Variants in MAP7 observed in about 807,000 individuals in gnomAD.
MAP7 encodes microtubule associated protein 7, also known as ensconsin.
MAP7 carries 52 observed loss-of-function variants against 94.8 expected under a neutral mutation model. That is an observed-to-expected ratio of 0.55 (90% CI 0.44 to 0.69). The LOEUF is 0.69. MAP7 is among the 30% of genes least tolerant of loss of function. MAP7 has a pLI of 0.00. For missense variants in MAP7, 940 were observed against 964.6 expected (o/e 0.97, Z 0.34); for synonymous variants, 350 against 357.0 (o/e 0.98, Z 0.22).
chr6:136,487,567 G>T (rs994224077), intron 1 of MAP7, among the ~76,000 whole-genome samples: 1 of 152,090 alleles, frequency 6.6e-6, no homozygotes, highest in African/African-American at 2.4e-5. Context: ...AAATTAGCCA[G>T]GCATGGTGGT....
intron 1 of MAP7, among the ~76,000 whole-genome samples, chr6:136,500,310 C>A (rs1200542545): frequency 1.3e-5 from 2 of 152,326 alleles, no homozygotes; most frequent in Middle Eastern, 3.4e-3. Flanking sequence ...CATCCCAGGC[C>A]AGGAAAACTG....
intron 1 of MAP7, among the ~76,000 whole-genome samples, chr6:136,541,958 C>G (rs1188804619): frequency 6.6e-6 from 1 of 152,138 alleles, no homozygotes; most frequent in Non-Finnish European, 1.5e-5. Flanking sequence ...ACTCGGGAGG[C>G]TGAGGCACAA....
rs970020336 is a variant in MAP7 at position 136,480,692 on chromosome 6, T to C, written c.68-58893A>G. On this transcript the variant is annotated intron_variant, in intron 1 of 17. Transcript: ENST00000354570. ...AAAGAAAAGAAAACGTTGGGGAAAC[T>C]CCCCAGAATATTGGTCTGGGCAAAG... is the stretch of plus-strand genomic sequence containing the variant. Among the ~76,000 whole-genome samples the C allele has an allele frequency of 4.9e-5, 6 of 121,324 alleles. 1 individual carries two copies. The highest frequency in any genetic ancestry group is 1.8e-4 in the African/African-American group (6 of 32,708). 79.6% of individuals were successfully genotyped at this position (121,324 alleles called of 152,430 possible). A position where few individuals can be genotyped will look rare whatever the true frequency, so the allele number is the denominator to read the frequency against.
intron 3 of MAP7, among the ~76,000 whole-genome samples, chr6:136,406,255 C>G (rs1040740652): frequency 7.2e-5 from 11 of 152,166 alleles, no homozygotes; most frequent in African/African-American, 2.7e-4. Flanking sequence ...TTTCTCAAAG[C>G]AGATCTCAGA....
intron 5 of MAP7, among the ~76,000 whole-genome samples, chr6:136,387,919 A>G (rs983182156): frequency 1.3e-5 from 2 of 152,202 alleles, no homozygotes; most frequent in African/African-American, 4.8e-5. Context: ...GTCATTTACT[A>G]TTTCTAGCTC....
chr6:136,430,631 T>C (rs1168427757), intron 1 of MAP7, among the ~76,000 whole-genome samples: 2 of 152,306 alleles, frequency 1.3e-5, no homozygotes, highest in Middle Eastern at 3.4e-3. Context: ...AATGATATGG[T>C]AGGTTCTGAA....
At chr6:136,446,105 A>G (rs1799241147) in intron 1 of MAP7, among the ~76,000 whole-genome samples, 1 of 152,234 alleles carries the variant, frequency 6.6e-6, no homozygotes, top group Non-Finnish European at 1.5e-5. Flanking sequence ...AGGGAAATAC[A>G]TTTACTGATT....
At chr6:136,386,539 C>A (rs1018508053) in intron 5 of MAP7, among the ~76,000 whole-genome samples, 4 of 152,016 alleles carry the variant, frequency 2.6e-5, no homozygotes, top group Non-Finnish European at 5.9e-5. Flanking sequence ...TGTATATCTG[C>A]CATATACATG....
intron 9 of MAP7, 106 bp from the exon 10 acceptor site, chr6:136,366,124 G>T: frequency 8.0e-7 from 1 of 1,248,944 alleles, no homozygotes; most frequent in Non-Finnish European, 1.1e-6. Context: ...TTAGCTCCGT[G>T]TATTTGTTTT....
chr6:136,373,780 G>T (rs572228752), intron 7 of MAP7, among the ~76,000 whole-genome samples: 1 of 152,306 alleles, frequency 6.6e-6, no homozygotes, highest in Admixed American at 6.5e-5. Context: ...AATGTAAGAG[G>T]ATTAATAACT....
chr6:136,473,402 AAGTTC>A (rs1809705585), intron 1 of MAP7, among the ~76,000 whole-genome samples: 1 of 152,188 alleles, frequency 6.6e-6, no homozygotes, highest in African/African-American at 2.4e-5. Context: ...TGCAATCTCA[AAGTTC>A]AGACATAACT....
intron 2 of MAP7, chr6:136,419,926 T>C: frequency 3.3e-6 from 2 of 600,652 alleles, no homozygotes; most frequent in Admixed American, 2.3e-5. Context: ...TATGTATTTT[T>C]CTATTTCTTC....
chr6:136,496,790 A>T (rs1276221863), intron 1 of MAP7, among the ~76,000 whole-genome samples: 1 of 149,916 alleles, frequency 6.7e-6, no homozygotes, highest in Non-Finnish European at 1.5e-5. Flanking sequence ...AAAAAAAAAA[A>T]AAAAAAAAAA....
chr6:136,366,655 C>T (rs933480493), intron 8 of MAP7, among the ~76,000 whole-genome samples: 17 of 152,102 alleles, frequency 1.1e-4, no homozygotes, highest in Admixed American at 2.6e-4. Flanking sequence ...AAGGTGATTC[C>T]GGATGTGTTG....
intron 8 of MAP7, among the ~76,000 whole-genome samples, chr6:136,371,063 G>C (rs1774335223): frequency 6.6e-6 from 1 of 151,688 alleles, no homozygotes; most frequent in Admixed American, 6.6e-5. Context: ...TTTTCTGTTA[G>C]TATTTGCCTA....
At chr6:136,549,926 C>T (rs1283523390) in intron 1 of MAP7, among the ~76,000 whole-genome samples, 8 of 152,322 alleles carry the variant, frequency 5.3e-5, no homozygotes, top group African/African-American at 1.2e-4. Context: ...AGAAACTGCT[C>T]GTCCTGCCAG....
intron 1 of MAP7, among the ~76,000 whole-genome samples, chr6:136,431,707 G>A (rs181323644): frequency 9.9e-5 from 15 of 152,084 alleles, no homozygotes; most frequent in Admixed American, 3.3e-4. Flanking sequence ...TAGTAGAGAC[G>A]GGGTTTCACC....
chr6:136,389,308 T>G, intron 4 of MAP7, 46 bp downstream of exon 4: 2 of 1,503,474 alleles, frequency 1.3e-6, no homozygotes, highest in Non-Finnish European at 1.8e-6. Context: ...TTGCTGCATG[T>G]CTGAACTAGA....
Position 136,361,018 on chromosome 6 carries a change from C to T in MAP7, c.1688G>A (p.Arg563His), listed in dbSNP as rs1792548230. Residue 563 changes from arginine to histidine, a missense_variant, in exon 12 of 18, where the codon CGC becomes CAC. By Grantham distance (29) the Arg-to-His change is conservative (BLOSUM62 0). Transcript: ENST00000354570. ...GTGCGGCCGCACCTGCCTCTGGGCGCGCTCTGCCTCCTCCCGCTCGCGCAG... is the reference window on the plus strand; with the variant it reads ...GTGCGGCCGCACCTGCCTCTGGGCGTGCTCTGCCTCCTCCCGCTCGCGCAG... ...RALREREEAERAQRQKEEEAR... is the reference protein window; with the variant it reads ...RALREREEAEHAQRQKEEEAR... The T allele has an allele frequency of 6.4e-7, 1 of 1,571,818 alleles. No homozygotes were observed.
Sources: allele counts gnomAD v4.1 joint callset (sites outside exome capture counted in the v4.1 genomes callset), GRCh38; gene constraint gnomAD v4.1.1; transcripts MANE v1.5; gene names NCBI Gene and HGNC (gene_info 2026-07-23, HGNC 2026-07-21).